The following WNT5B variants were observed in gnomAD, a reference collection of about 807,000 sequenced individuals.
WNT5B encodes the protein Wnt family member 5B, also known as protein Wnt-5b.
WNT5B carries 18 observed loss-of-function variants against 36.5 expected under a neutral mutation model. The ratio of observed to expected loss-of-function variants is 0.49; its 90% CI spans 0.34 to 0.73. The LOEUF is 0.73. Ranked by LOEUF, WNT5B falls within the 30% of genes least tolerant of loss-of-function variation. The pLI, the probability that WNT5B is intolerant of heterozygous loss-of-function variation, is 0.01. For synonymous variants in WNT5B, 213 were observed against 212.3 expected (o/e 1.00, Z -0.03); for missense variants, 424 against 508.4 (o/e 0.83, Z 1.60).
upstream of WNT5B, among the ~76,000 whole-genome samples, chr12:1,625,979 CTTTT>C (rs547219559): frequency 8.2e-5 from 11 of 134,384 alleles, no homozygotes; most frequent in Admixed American, 2.3e-4. Context: ...TTTTCTCTCT[CTTTT>C]TTTTTTTTTT....
chr12:1,636,382 C>T (rs933763457), intron 3 of WNT5B, among the ~76,000 whole-genome samples: 1 of 151,270 alleles, frequency 6.6e-6, no homozygotes, highest in Non-Finnish European at 1.5e-5. Context: ...TTTCTGTCTC[C>T]ATGGATTTGC....
chr12:1,632,636 C>G lies in WNT5B; in HGVS notation c.81-22C>G. The stretch of plus-strand genomic sequence containing the variant: ...TGCTCACTCCTGGGCCTTTTTTTCC[C>G]CTTTCTGGATTGCTGTCCTAGGTCA... On this transcript the variant is annotated intron_variant, in intron 2 of 4. Transcript: ENST00000397196. This position sits in a 1 kb window ranked among gnomAD's most constrained non-coding sequence, Gnocchi z 5.8. 1 of 1,580,018 alleles carries G rather than the reference C, an allele frequency of 6.3e-7. No individual in the cohort carries two copies. The highest frequency in any genetic ancestry group is 1.1e-5 in the South Asian group (1 of 88,892).
At chr12:1,620,326 C>A (rs1394624906) in intron 1 of WNT5B, among the ~76,000 whole-genome samples, 2 of 152,186 alleles carry the variant, frequency 1.3e-5, no homozygotes, top group Non-Finnish European at 2.9e-5. Context: ...ATGAATGGAA[C>A]CATAGTTCAT....
rs745555104 is a variant in WNT5B at position 1,639,782 on chromosome 12, T to G, written c.427T>G (p.Cys143Gly). ...CREGELSTCG[C>G]SRTARPKDLP... ...CGAGGGCGAGCTCTCCACCTGCGGC[T>G]GCAGCCGGACGGCGCGGCCCAAGGA... The change falls in exon 4 of 5, where the codon TGC becomes GGC. Residue 143 changes from cysteine to glycine, a missense_variant. Transcript: ENST00000397196. The G allele has an allele frequency of 6.2e-7, 1 of 1,610,504 alleles. No individual in the cohort carries two copies. The highest frequency in any genetic ancestry group is 8.5e-7 in the Non-Finnish European group (1 of 1,178,402).
chr12:1,634,679 C>G (rs923906025), intron 3 of WNT5B, among the ~76,000 whole-genome samples: 1 of 152,178 alleles, frequency 6.6e-6, no homozygotes, highest in Non-Finnish European at 1.5e-5. Flanking sequence ...CCTTCCTCCC[C>G]CCTGAGCCCA....
chr12:1,618,005 A>T lies in WNT5B; in HGVS notation c.-58+862A>T, dbSNP rs1244835853. ...AGAATTTAAAAACTTAACCAGACACAGTGGCTTACACCTGTAGTCCCAGCT... is the reference window on the plus strand; with the variant it reads ...AGAATTTAAAAACTTAACCAGACACTGTGGCTTACACCTGTAGTCCCAGCT... On this transcript the variant is annotated intron_variant, in intron 1 of 4. Transcript: ENST00000310594. The surrounding 1 kb of genome is among the most constrained non-coding windows in gnomAD (Gnocchi z 4.1). 1.3e-5 allele frequency among the ~76,000 whole-genome samples: 2 copies of T among 151,948 alleles called. No homozygotes were observed. The highest frequency in any genetic ancestry group is 2.9e-5 in the Non-Finnish European group (2 of 67,990).
At chr12:1,640,937 A>ACCT (rs2094574030) in intron 4 of WNT5B, among the ~76,000 whole-genome samples, 1 of 152,218 alleles carries the variant, frequency 6.6e-6, no homozygotes, top group African/African-American at 2.4e-5. Flanking sequence ...CGGTCTGAGC[A>ACCT]CTGGGTGGTG....
At chr12:1,642,471 C>T (rs181204489) in intron 4 of WNT5B, among the ~76,000 whole-genome samples, 458 of 152,294 alleles carry the variant, frequency 3.0e-3, no homozygotes, top group Admixed American at 6.7e-3. Flanking sequence ...GCGGTAGGTT[C>T]CTGTGGGCAG....
chr12:1,618,002 C>T lies in WNT5B; in HGVS notation c.-58+859C>T, dbSNP rs2154439167. ...AAAAGAATTTAAAAACTTAACCAGA[C>T]ACAGTGGCTTACACCTGTAGTCCCA... On this transcript the variant is annotated intron_variant, in intron 1 of 4. Transcript: ENST00000310594. The surrounding 1 kb of genome is among the most constrained non-coding windows in gnomAD (Gnocchi z 4.1). Among the ~76,000 whole-genome samples the T allele has an allele frequency of 6.6e-6, 1 of 152,198 alleles. No individual in the cohort carries two copies. The highest frequency in any genetic ancestry group is 2.1e-4 in the South Asian group (1 of 4,822).
upstream of WNT5B, among the ~76,000 whole-genome samples, chr12:1,628,328 A>C (rs1312646493): frequency 6.6e-6 from 1 of 151,894 alleles, no homozygotes; most frequent in African/African-American, 2.4e-5. Flanking sequence ...GCTAATTTTT[A>C]TACTTTTTTA....
rs2094581710 is a variant in WNT5B at position 1,644,529 on chromosome 12, TTG to T, written c.622-1264_622-1263del. On this transcript the variant is annotated intron_variant, in intron 4 of 4. Coordinates refer to ENST00000397196, the MANE Select transcript of WNT5B (RefSeq NM_032642.3). This position sits in a 1 kb window ranked among gnomAD's most constrained non-coding sequence, Gnocchi z 5.1. ...GCACTGATGATGGCTGTGCTGTCTC[TTG>T]CACCTGCAGTGGTCTCTGCTTAGCT... Among the ~76,000 whole-genome samples, 1 of 152,232 alleles carries T rather than the reference TTG, an allele frequency of 6.6e-6. No individual in the cohort carries two copies. The highest frequency in any genetic ancestry group is 2.4e-5 in the African/African-American group (1 of 41,466).
chr12:1,631,457 C>T (rs1339913754), intron 2 of WNT5B, 23 bp downstream of exon 2: 2 of 1,613,810 alleles, frequency 1.2e-6, no homozygotes, highest in East Asian at 2.2e-5. Context: ...GGCTGAGGTC[C>T]TGCCTGCACA....
rs770195730 is a variant in WNT5B at position 1,646,228 on chromosome 12, C to T, written c.1056C>T (p.Ile352=). Residue 352 remains isoleucine (I), a synonymous_variant, in exon 5 of 5, where the codon ATC becomes ATT. Coordinates refer to ENST00000397196, the MANE Select transcript of WNT5B (RefSeq NM_032642.3). ...TCAGGTGTAAGAAGTGCACGGAGAT[C>T]GTGGACCAGTACATCTGTAAATAGC... ...CFVRCKKCTE[I]VDQYICK 78 of 1,612,832 alleles carry T rather than the reference C, an allele frequency of 4.8e-5. No homozygotes were observed. The highest frequency in any genetic ancestry group is 9.9e-5 in the South Asian group (9 of 91,018).
chr12:1,619,922 T>A (rs1223306255), intron 1 of WNT5B, among the ~76,000 whole-genome samples: 2 of 152,144 alleles, frequency 1.3e-5, no homozygotes, highest in African/African-American at 4.8e-5. Flanking sequence ...TCTTCTTTTT[T>A]AAGTCAAAAA....
rs1341392977 is a variant in WNT5B, at chr12:1,630,587, C to A, written c.-57-711C>A. On this transcript the variant is annotated intron_variant, in intron 1 of 4. Transcript: ENST00000397196. This position sits in a 1 kb window ranked among gnomAD's most constrained non-coding sequence, Gnocchi z 5.3. ...GGTACTCGGTGCCGCCCTCGAGGAC[C>A]ACGGTGCCGGGAGGGGCAGGGGCCG... 6.6e-6 allele frequency among the ~76,000 whole-genome samples: 1 copy of A among 152,134 alleles called. No homozygotes were observed. Among genetic ancestry groups the A allele is most frequent in the Non-Finnish European group, 1.5e-5 (1 of 68,006 alleles).
At chr12:1,637,581 CAAAA>C (rs61542245) in intron 3 of WNT5B, among the ~76,000 whole-genome samples, 1 of 110,398 alleles carries the variant, frequency 9.1e-6, no homozygotes, top group African/African-American at 3.5e-5. Flanking sequence ...ACTAAACATA[CAAAA>C]AAAAAAAAAA....
chr12:1,621,067 G>A (rs1349824218), intron 1 of WNT5B, among the ~76,000 whole-genome samples: 1 of 29,668 alleles, frequency 3.4e-5, no homozygotes, highest in Admixed American at 3.7e-4. Context: ...GATAAGAATG[G>A]GACATAAGAT....
At position 1,630,332 on chromosome 12, in the gene WNT5B, C is replaced by A; in HGVS notation, c.-58+961C>A. Reference sequence around the variant, plus strand: ...GGCCGTGTGTCCCGAGGCGCAGGCTCGCTCTAGCAGCACTGACCTGCTGCG... The same window carrying A: ...GGCCGTGTGTCCCGAGGCGCAGGCTAGCTCTAGCAGCACTGACCTGCTGCG... On this transcript the variant is annotated intron_variant, in intron 1 of 4. Coordinates refer to ENST00000397196, the MANE Select transcript of WNT5B (RefSeq NM_032642.3). This position sits in a 1 kb window ranked among gnomAD's most constrained non-coding sequence, Gnocchi z 5.3. The A allele has an allele frequency of 1.4e-6, 1 of 723,308 alleles. No homozygotes were observed. Among genetic ancestry groups the A allele is most frequent in the Non-Finnish European group, 1.7e-6 (1 of 590,216 alleles). The allele number at this position is 723,308 out of a possible 1,614,324, so 44.8% of individuals were successfully genotyped here.
intron 4 of WNT5B, among the ~76,000 whole-genome samples, chr12:1,643,387 G>C (rs968038441): frequency 6.6e-6 from 1 of 152,022 alleles, no homozygotes; most frequent in Non-Finnish European, 1.5e-5. Context: ...TTTTTGAGAC[G>C]GAGTTTCGCT....
Sources: gnomAD v4.1 joint callset for allele counts (sites outside exome capture counted in the v4.1 genomes callset) on GRCh38, gnomAD v4.1.1 for gene constraint, Gnocchi (gnomAD v3.1) non-coding constraint, MANE v1.5 for transcripts, NCBI Gene and HGNC (gene_info 2026-07-23, HGNC 2026-07-21) for gene names.